The following DOCK9 variants were observed in gnomAD, a reference collection of about 807,000 sequenced individuals.
DOCK9 encodes dedicator of cytokinesis protein 9.
DOCK9 carries 89 observed loss-of-function variants against 263.3 expected under a neutral mutation model. That is an observed-to-expected ratio of 0.34 (90% CI 0.28 to 0.40). The LOEUF (loss-of-function observed/expected upper bound fraction) is 0.40, where lower values mean the gene tolerates loss of function less well. Among genes scored for constraint, DOCK9 ranks in the 10% least tolerant of loss-of-function variants. The pLI is 1.00. For synonymous variants in DOCK9, 976 were observed against 973.1 expected (o/e 1.00, Z -0.06); for missense variants, 2,140 against 2,603.4 (o/e 0.82, Z 3.87).
At chr13:98,975,704 C>T (rs1441728860) in intron 1 of DOCK9, among the ~76,000 whole-genome samples, 6 of 152,096 alleles carry the variant, frequency 3.9e-5, no homozygotes, top group African/African-American at 4.8e-5. Flanking sequence ...ATATTTTTCC[C>T]CAAGGACTGT....
intron 48 of DOCK9, among the ~76,000 whole-genome samples, chr13:98,805,810 G>A (rs1451559539): frequency 1.3e-5 from 2 of 152,028 alleles, no homozygotes; most frequent in East Asian, 1.9e-4. Context: ...TGCCCAGGCT[G>A]GAGTGCAATG....
chr13:98,866,595 T>C (rs370722346), intron 30 of DOCK9, among the ~76,000 whole-genome samples: 3 of 152,236 alleles, frequency 2.0e-5, no homozygotes, highest in African/African-American at 2.4e-5. Flanking sequence ...TTTGTTCAAT[T>C]TGATTTACTC....
chr13:98,859,866 A>G (rs2093811649), intron 33 of DOCK9: 1 of 151,974 alleles, frequency 6.6e-6, no homozygotes, highest in Non-Finnish European at 1.5e-5. Flanking sequence ...TTATGGAGAA[A>G]CTATTAGAAT....
At chr13:98,921,923 T>C (rs1234861092) in intron 6 of DOCK9, 128 bp downstream of exon 6, 11 of 809,810 alleles carry the variant, frequency 1.4e-5, no homozygotes, top group Non-Finnish European at 2.2e-5. Flanking sequence ...CAGGGGAGCA[T>C]CCTAGGAATC....
intron 30 of DOCK9, among the ~76,000 whole-genome samples, chr13:98,866,849 C>T (rs918691984): frequency 6.6e-6 from 1 of 152,168 alleles, no homozygotes; most frequent in African/African-American, 2.4e-5. Context: ...CCAGTGACTT[C>T]AGGAGCAAAA....
At chr13:98,811,731 T>C (rs1429407616) in intron 45 of DOCK9, among the ~76,000 whole-genome samples, 2 of 152,236 alleles carry the variant, frequency 1.3e-5, no homozygotes, top group Non-Finnish European at 2.9e-5. Flanking sequence ...TTCTTAACAG[T>C]GTCTTTTAAA....
chr13:98,887,718 T>G (rs2138924695), intron 18 of DOCK9, among the ~76,000 whole-genome samples: 1 of 145,374 alleles, frequency 6.9e-6, no homozygotes, highest in South Asian at 2.2e-4. Context: ...GTGCCTGGAG[T>G]ACAAACAGCT....
Position 98,902,330 on chromosome 13 carries a change from G to A in DOCK9, c.1338C>T (p.Leu446=), listed in dbSNP as rs1281830583. 6.2e-7 allele frequency: 1 copy of A among 1,613,990 alleles called. No homozygotes were observed. Among genetic ancestry groups the A allele is most frequent in the Admixed American group, 1.7e-5 (1 of 60,026 alleles). Reference sequence around the variant, plus strand: ...TGGCGGCTTCATGAAGGATGCCCTTGAGGACAGATGGGCTCTGCCCACTGC... The same window carrying A: ...TGGCGGCTTCATGAAGGATGCCCTTAAGGACAGATGGGCTCTGCCCACTGC... ...MNGSGQSPSV[L]KGILHEAAMQ... The change falls in exon 12 of 53, where the codon CTC becomes CTT. Residue 446 remains leucine, a synonymous_variant. Coordinates refer to ENST00000682017, the MANE Select transcript of DOCK9 (RefSeq NM_001366683.2).
At chr13:98,903,601 A>T (rs1482047786) in intron 10 of DOCK9, among the ~76,000 whole-genome samples, 1 of 12,686 alleles carries the variant, frequency 7.9e-5, no homozygotes, top group Non-Finnish European at 2.0e-4. Flanking sequence ...CTCTGCCTCA[A>T]AAAAAAAAAA....
intron 1 of DOCK9, among the ~76,000 whole-genome samples, chr13:98,991,794 C>A (rs1264055899): frequency 6.6e-6 from 1 of 151,890 alleles, no homozygotes. Context: ...ATCTCCTTGG[C>A]AGTTAGGCTG....
chr13:98,985,100 C>T (rs1361562847), intron 1 of DOCK9, among the ~76,000 whole-genome samples: 3 of 151,264 alleles, frequency 2.0e-5, no homozygotes, highest in African/African-American at 7.3e-5. Context: ...GGGGGTGGGG[C>T]CTGCGCTCTC....
At chr13:98,995,552 G>A (rs1369898014) in intron 1 of DOCK9, among the ~76,000 whole-genome samples, 4 of 146,110 alleles carry the variant, frequency 2.7e-5, no homozygotes, top group African/African-American at 5.1e-5. Flanking sequence ...ACAGTGGCGC[G>A]ATCTCGGCTC....
intron 37 of DOCK9, 91 bp from the exon 38 acceptor site, chr13:98,846,151 C>T (rs545686544): frequency 8.4e-6 from 12 of 1,429,776 alleles, no homozygotes; most frequent in African/African-American, 4.2e-5. Context: ...GAACATGGCA[C>T]GAGGGAGATG....
intron 1 of DOCK9, among the ~76,000 whole-genome samples, chr13:98,984,555 C>G (rs1444942202): frequency 6.6e-6 from 1 of 152,216 alleles, no homozygotes; most frequent in Admixed American, 6.5e-5. Context: ...CTGATTACCT[C>G]TGGTACATGG....
At chr13:99,047,094 A>G (rs1006016075) in intron 1 of DOCK9, among the ~76,000 whole-genome samples, 1 of 152,074 alleles carries the variant, frequency 6.6e-6, no homozygotes, top group Non-Finnish European at 1.5e-5. Context: ...TGGACTATTC[A>G]TGGGGGTCAA....
At chr13:98,962,098 G>A (rs924682187) in intron 1 of DOCK9, among the ~76,000 whole-genome samples, 1 of 152,078 alleles carries the variant, frequency 6.6e-6, no homozygotes, top group African/African-American at 2.4e-5. Flanking sequence ...TACAAATTTG[G>A]ACTAATCATG....
rs1306713123 is a variant in DOCK9, at chr13:98,930,589, TCTTA to T, written c.244-336_244-333del. Among the ~76,000 whole-genome samples, 8 of 152,228 alleles carry T rather than the reference TCTTA, an allele frequency of 5.3e-5. 1 individual carries two copies. The South Asian group carries it at 1.2e-3, about 24-fold the overall frequency. On this transcript the variant is annotated intron_variant, in intron 2 of 52. Coordinates refer to ENST00000682017, the MANE Select transcript of DOCK9 (RefSeq NM_001366683.2). ...CTTGATCTAGCCCCATGACACAGCA[TCTTA>T]CTTGTCTTAACTGCCTTTTTTTATT...
rs147768179 is a variant in DOCK9, at chr13:98,904,245, G to A, written c.1035+387C>T. On this transcript the variant is annotated intron_variant, in intron 10 of 52. Coordinates refer to ENST00000682017, the MANE Select transcript of DOCK9 (RefSeq NM_001366683.2). ...GTGAGGAAACAGAAAAGTACTTATC[G>A]TTAGAGTTAAATGGAAAAGGTTTGT... is the stretch of plus-strand genomic sequence containing the variant. Among the ~76,000 whole-genome samples the A allele has an allele frequency of 4.1e-3, 620 of 152,306 alleles. 5 individuals carry two copies. Among genetic ancestry groups the A allele is most frequent in the African/African-American group, 0.014 (584 of 41,556 alleles).
At chr13:98,879,874 A>G in intron 27 of DOCK9, 24 bp downstream of exon 27, 2 of 1,582,414 alleles carry the variant, frequency 1.3e-6, no homozygotes, top group Non-Finnish European at 1.7e-6. Context: ...CTAAGAACAC[A>G]AGCTTCCACT....
Sources: gnomAD v4.1 joint callset for allele counts (sites outside exome capture counted in the v4.1 genomes callset) on GRCh38, gnomAD v4.1.1 for gene constraint, MANE v1.5 for transcripts, NCBI Gene and HGNC (gene_info 2026-07-23, HGNC 2026-07-21) for gene names.